The following ERBB4 variants were observed in gnomAD, a reference collection of about 807,000 sequenced individuals.
ERBB4 encodes the protein receptor tyrosine-protein kinase erbB-4.
ERBB4 carries 42 observed loss-of-function variants against 158.0 expected under a neutral mutation model. The ratio of observed to expected loss-of-function variants is 0.27; its 90% CI spans 0.21 to 0.34. The LOEUF (loss-of-function observed/expected upper bound fraction) is 0.34, where lower values mean the gene tolerates loss of function less well. Among genes scored for constraint, ERBB4 ranks in the 10% least tolerant of loss-of-function variants. The probability of loss-of-function intolerance (pLI) is 1.00; values close to 1 mark genes in which losing one functional copy is unlikely to be tolerated. For missense variants in ERBB4, 1,333 were observed against 1,624.1 expected (o/e 0.82, Z 3.08); for synonymous variants, 583 against 558.7 (o/e 1.04, Z -0.61).
chr2:211,837,107 T>C (rs2105987534), intron 3 of ERBB4, among the ~76,000 whole-genome samples: 1 of 152,246 alleles, frequency 6.6e-6, no homozygotes, highest in African/African-American at 2.4e-5. Context: ...ACTTCAAACA[T>C]GGCAAGATTA....
chr2:211,559,373 C>T (rs890923969), intron 20 of ERBB4, among the ~76,000 whole-genome samples: 16 of 152,208 alleles, frequency 1.1e-4, no homozygotes, highest in African/African-American at 3.6e-4. Flanking sequence ...TAACTACCTA[C>T]AGCACTTAAA....
chr2:211,706,500 T>G (rs2106056110), intron 9 of ERBB4, among the ~76,000 whole-genome samples: 1 of 151,954 alleles, frequency 6.6e-6, no homozygotes, highest in Admixed American at 6.6e-5. Flanking sequence ...GAGTATCAGT[T>G]CCAGCAACCT....
At chr2:212,095,472 A>G (rs1258184899) in intron 2 of ERBB4, among the ~76,000 whole-genome samples, 1 of 152,196 alleles carries the variant, frequency 6.6e-6, no homozygotes, top group African/African-American at 2.4e-5. Flanking sequence ...AGTTGTATAA[A>G]TGTTTTGGAG....
At chr2:212,363,743 G>A (rs1360805660) in intron 1 of ERBB4, among the ~76,000 whole-genome samples, 1 of 151,384 alleles carries the variant, frequency 6.6e-6, no homozygotes, top group Non-Finnish European at 1.5e-5. Flanking sequence ...AAAATTAATT[G>A]GATTTACAAA....
chr2:211,988,170 G>A (rs2860059), intron 2 of ERBB4, among the ~76,000 whole-genome samples: 99,335 of 152,040 alleles, frequency 0.65, 35,947 homozygotes, highest in Non-Finnish European at 0.82. Context: ...ATTAATTAAT[G>A]TCAGTTAGCT....
chr2:211,987,178 A>G (rs13007778), intron 2 of ERBB4, among the ~76,000 whole-genome samples: 107,201 of 151,476 alleles, frequency 0.71, 41,513 homozygotes, highest in Non-Finnish European at 0.88. Flanking sequence ...AAAATTAGCC[A>G]GGCTTGGTGG....
At chr2:212,310,989 A>G (rs1251573652) in intron 1 of ERBB4, among the ~76,000 whole-genome samples, 3 of 150,846 alleles carry the variant, frequency 2.0e-5, no homozygotes, top group African/African-American at 2.4e-5. Context: ...CATGTAAAGC[A>G]TAGCCTGTTT....
At chr2:211,934,934 A>AAAAAAAAAAAAAAAAAAAAAAC (rs1553516072) in intron 3 of ERBB4, among the ~76,000 whole-genome samples, 1 of 149,712 alleles carries the variant, frequency 6.7e-6, no homozygotes, top group African/African-American at 2.4e-5. Flanking sequence ...GCTAAAAAAA[A>AAAAAAAAAAAAAAAAAAAAAAC]AAAAAAACTG....
intron 1 of ERBB4, among the ~76,000 whole-genome samples, chr2:212,421,217 A>C (rs1039548581): frequency 5.3e-5 from 8 of 152,134 alleles, no homozygotes; most frequent in African/African-American, 1.9e-4. Context: ...TGCCTTCCCT[A>C]TGCCTGGTTA....
chr2:211,822,266 T>C (rs972469445), intron 3 of ERBB4, among the ~76,000 whole-genome samples: 1 of 151,794 alleles, frequency 6.6e-6, no homozygotes, highest in African/African-American at 2.4e-5. Context: ...AATAATAATA[T>C]ATAGTTTAAA....
At chr2:212,524,613 C>T (rs76006088) in intron 1 of ERBB4, among the ~76,000 whole-genome samples, 3,501 of 152,058 alleles carry the variant, frequency 0.023, 54 homozygotes, top group South Asian at 0.046. Flanking sequence ...TCTCCTAGGC[C>T]TCACTCATAT....
At chr2:212,260,898 T>C (rs1051350781) in intron 1 of ERBB4, among the ~76,000 whole-genome samples, 7 of 151,402 alleles carry the variant, frequency 4.6e-5, no homozygotes, top group Non-Finnish European at 7.4e-5. Flanking sequence ...GACAGGAAAA[T>C]GGGAAATTAT....
At chr2:211,885,709 C>G (rs1016759758) in intron 3 of ERBB4, among the ~76,000 whole-genome samples, 2 of 152,148 alleles carry the variant, frequency 1.3e-5, no homozygotes, top group East Asian at 3.9e-4. Context: ...ATCTGCCCGC[C>G]TTGGCCTCCC....
At chr2:212,391,672 T>TG (rs1452862222) in intron 1 of ERBB4, among the ~76,000 whole-genome samples, 11 of 129,430 alleles carry the variant, frequency 8.5e-5, no homozygotes, top group African/African-American at 1.5e-4. Flanking sequence ...GTATTATATT[T>TG]TATATATATT....
intron 3 of ERBB4, among the ~76,000 whole-genome samples, chr2:211,877,863 T>A (rs1186868057): frequency 2.6e-5 from 4 of 152,216 alleles, no homozygotes; most frequent in Non-Finnish European, 5.9e-5. Flanking sequence ...ATCCCAGCAC[T>A]TTGGGAGGCC....
chr2:211,682,349 C>G (rs1233846538), intron 12 of ERBB4, among the ~76,000 whole-genome samples: 1 of 152,168 alleles, frequency 6.6e-6, no homozygotes. Flanking sequence ...ATTCTCCCTT[C>G]TTTCAACTTT....
chr2:211,710,899 C>T (rs2073672504), intron 9 of ERBB4, among the ~76,000 whole-genome samples: 1 of 151,974 alleles, frequency 6.6e-6, no homozygotes, highest in South Asian at 2.1e-4. Flanking sequence ...TTGTAAATTA[C>T]CCAGTCTCGG....
At chr2:211,487,242 C>T (rs974297433) in intron 20 of ERBB4, among the ~76,000 whole-genome samples, 7 of 147,726 alleles carry the variant, frequency 4.7e-5, no homozygotes, top group Middle Eastern at 3.7e-3. Flanking sequence ...TGAGAACATG[C>T]GGTGTTTGGT....
Position 211,693,987 on chromosome 2 carries a change from T to C in ERBB4, c.1489+7980A>G, listed in dbSNP as rs187003579. On this transcript the variant is annotated intron_variant, in intron 12 of 27. Coordinates refer to ENST00000342788, the MANE Select transcript of ERBB4 (RefSeq NM_005235.3). Reference sequence around the variant, plus strand: ...CTCTGAGTGGGTGTATGTCTTCACATGGCGTTCTCATTTGTGTGTGTCCAT... The same window carrying C: ...CTCTGAGTGGGTGTATGTCTTCACACGGCGTTCTCATTTGTGTGTGTCCAT... 1.2e-4 allele frequency among the ~76,000 whole-genome samples: 18 copies of C among 152,290 alleles called. No individual in the cohort carries two copies. In the East Asian group the frequency reaches 3.5e-3, roughly 29 times the overall value.
Sources: gnomAD v4.1 joint callset for allele counts (sites outside exome capture counted in the v4.1 genomes callset) on GRCh38, gnomAD v4.1.1 for gene constraint, MANE v1.5 for transcripts, NCBI Gene and HGNC (gene_info 2026-07-23, HGNC 2026-07-21) for gene names.